CCDC169: variants seen among roughly 807,000 people sequenced by gnomAD.
The protein encoded by CCDC169 is coiled-coil domain containing 169.
CCDC169 carries 30 observed loss-of-function variants against 36.0 expected under a neutral mutation model. The observed-to-expected ratio is 0.83, with a 90% confidence interval of 0.62 to 1.13. CCDC169 has a LOEUF of 1.13. CCDC169 is among the 50% of genes most tolerant of loss of function. The probability of loss-of-function intolerance (pLI) is 0.00; values close to 1 mark genes in which losing one functional copy is unlikely to be tolerated. For synonymous variants in CCDC169, 85 were observed against 81.5 expected, an observed-to-expected ratio of 1.04 and a Z score of -0.23; for missense variants, 245 against 245.9, an observed-to-expected ratio of 1.00 and a Z score of 0.03.
downstream of CCDC169, chr13:36,226,041 A>G (rs1320647990): frequency 6.6e-6 from 1 of 152,140 alleles, no homozygotes; most frequent in Non-Finnish European, 1.5e-5. Context: ...GATTTCTTAA[A>G]GAACTTAAAA....
chr13:36,259,407 TCAAA>T (rs945428542), intron 4 of CCDC169, among the ~76,000 whole-genome samples: 5 of 152,172 alleles, frequency 3.3e-5, no homozygotes, highest in East Asian at 1.9e-4. Flanking sequence ...AACAAAATGC[TCAAA>T]CAAAGCAATG....
intron 7 of CCDC169, among the ~76,000 whole-genome samples, chr13:36,238,301 C>T (rs1017569307): frequency 1.3e-5 from 2 of 152,120 alleles, no homozygotes; most frequent in African/African-American, 4.8e-5. Context: ...GGGTCTGGCT[C>T]TGTTGCCCAA....
chr13:36,244,018 C>G (rs1594010184), intron 7 of CCDC169, among the ~76,000 whole-genome samples: 1 of 152,132 alleles, frequency 6.6e-6, no homozygotes, highest in Non-Finnish European at 1.5e-5. Flanking sequence ...CCCCTCTTCA[C>G]TATTTAAGCA....
At chr13:36,248,538 C>T in intron 7 of CCDC169, 68 bp downstream of exon 7, 5 of 1,435,600 alleles carry the variant, frequency 3.5e-6, no homozygotes, top group Non-Finnish European at 4.8e-6. Flanking sequence ...ATAGTGGACA[C>T]CTGTTTTGTC....
chr13:36,240,393 T>G (rs1334265029), intron 7 of CCDC169, among the ~76,000 whole-genome samples: 1 of 152,086 alleles, frequency 6.6e-6, no homozygotes, highest in Admixed American at 6.6e-5. Context: ...TAGGTAAGCG[T>G]TTTTCTATGT....
intron 2 of CCDC169, among the ~76,000 whole-genome samples, chr13:36,289,196 A>C (rs915872200): frequency 6.6e-6 from 1 of 152,204 alleles, no homozygotes; most frequent in African/African-American, 2.4e-5. Context: ...TCTCAGAATC[A>C]TATCTCAGAA....
chr13:36,268,221 C>G (rs1875584891), intron 4 of CCDC169, among the ~76,000 whole-genome samples: 1 of 152,114 alleles, frequency 6.6e-6, no homozygotes, highest in Non-Finnish European at 1.5e-5. Flanking sequence ...ATATGATAGG[C>G]CACAAAATAA....
Position 36,230,885 on chromosome 13 carries a change from G to A in CCDC169, c.*308C>T. On this transcript the variant is annotated 3_prime_UTR_variant, in exon 8 of 8. Transcript: ENST00000239859. ...CTAACAGTCAACTAGAAACCAAATAGAATAGCAACGTTACTATCAGAGCAG... is the reference window on the plus strand; with the variant it reads ...CTAACAGTCAACTAGAAACCAAATAAAATAGCAACGTTACTATCAGAGCAG... 1 of 1,026,408 alleles carries A rather than the reference G, an allele frequency of 9.7e-7. No individual in the cohort carries two copies. The highest frequency in any genetic ancestry group is 1.2e-6 in the Non-Finnish European group (1 of 857,620). 63.6% of individuals were successfully genotyped at this position (1,026,408 alleles called of 1,614,324 possible).
chr13:36,285,603 A>C (rs370719501), intron 2 of CCDC169, among the ~76,000 whole-genome samples: 20 of 148,140 alleles, frequency 1.4e-4, no homozygotes, highest in South Asian at 2.3e-4. Context: ...AGATAGATAG[A>C]TAGATAGATA....
intron 4 of CCDC169, 137 bp downstream of exon 4, chr13:36,283,332 C>T (rs1877770534): frequency 8.5e-6 from 7 of 819,740 alleles, no homozygotes; most frequent in Non-Finnish European, 1.1e-5. Context: ...ATTTGTTGTC[C>T]TTCAAACAGA....
intron 4 of CCDC169, among the ~76,000 whole-genome samples, chr13:36,254,439 C>T (rs1205959080): frequency 6.6e-6 from 1 of 151,820 alleles, no homozygotes; most frequent in Admixed American, 6.6e-5. Context: ...CCATGCCAGG[C>T]TAATTTTTTG....
intron 2 of CCDC169, among the ~76,000 whole-genome samples, chr13:36,285,104 C>T (rs540483003): frequency 1.6e-4 from 25 of 152,230 alleles, no homozygotes; most frequent in Middle Eastern, 6.8e-3. Flanking sequence ...AACATGGTAA[C>T]GGATTCTTCA....
intron 4 of CCDC169, among the ~76,000 whole-genome samples, chr13:36,278,630 C>T (rs533538059): frequency 4.6e-5 from 7 of 152,068 alleles, no homozygotes; most frequent in African/African-American, 1.4e-4. Context: ...AGTTGTCCCC[C>T]CATCCTTTCT....
At chr13:36,252,741 T>G (rs1279339614) in intron 6 of CCDC169, among the ~76,000 whole-genome samples, 1 of 152,164 alleles carries the variant, frequency 6.6e-6, no homozygotes, top group African/African-American at 2.4e-5. Context: ...TAATTTGAAA[T>G]TAATAATTTT....
rs1268241999 is a variant in CCDC169, at chr13:36,230,895, G to A, written c.*298C>T. 5.8e-6 allele frequency: 6 copies of A among 1,038,578 alleles called. No individual in the cohort carries two copies. The highest frequency in any genetic ancestry group is 5.1e-5 in the African/African-American group (3 of 59,132). 64.3% of individuals were successfully genotyped at this position (1,038,578 alleles called of 1,614,324 possible). ...ACTAGAAACCAAATAGAATAGCAAC[G>A]TTACTATCAGAGCAGATCATGGGTA... On this transcript the variant is annotated 3_prime_UTR_variant, in exon 8 of 8. Coordinates refer to ENST00000239859, the MANE Select transcript of CCDC169 (RefSeq NM_001144981.3).
In CCDC169 at chr13:36,282,445, C is replaced by G; in HGVS notation, c.315+1024G>C. On this transcript the variant is annotated intron_variant, in intron 4 of 7. Coordinates refer to ENST00000239859, the MANE Select transcript of CCDC169 (RefSeq NM_001144981.3). ...AGTAATTGGACACTTCTATCGCTGA[C>G]TCCTTGATTAGATTTCTAATCTCTG... 6 of 985,344 alleles carry G rather than the reference C, an allele frequency of 6.1e-6. No homozygotes were observed. In the South Asian group the frequency reaches 2.8e-4, roughly 46 times the overall value. The allele number at this position is 985,344 out of a possible 1,614,324, so 61.0% of individuals were successfully genotyped here.
At chr13:36,227,409 G>T, downstream of CCDC169, 1 of 1,500,074 alleles carries the variant, frequency 6.7e-7, no homozygotes, top group South Asian at 1.3e-5. Flanking sequence ...AATAGAACAT[G>T]AATAAGGACA....
downstream of CCDC169, among the ~76,000 whole-genome samples, chr13:36,228,227 T>C (rs1393783127): frequency 1.4e-4 from 22 of 152,190 alleles, no homozygotes; most frequent in Admixed American, 6.5e-5. Context: ...GTTTAACCTT[T>C]TGAGGAACTG....
At chr13:36,237,760 C>T (rs929536884) in intron 7 of CCDC169, among the ~76,000 whole-genome samples, 15 of 152,238 alleles carry the variant, frequency 9.9e-5, no homozygotes, top group Non-Finnish European at 1.5e-4. Context: ...CAATGGACTG[C>T]ATATATGACA....
Sources: allele counts gnomAD v4.1 joint callset (sites outside exome capture counted in the v4.1 genomes callset), GRCh38; gene constraint gnomAD v4.1.1; transcripts MANE v1.5; gene names NCBI Gene and HGNC (gene_info 2026-07-23, HGNC 2026-07-21).